Variants in RARB observed in about 807,000 individuals in gnomAD.
The protein encoded by RARB is HBV-activated protein.
A neutral mutation model predicts 51.9 loss-of-function variants in RARB; 17 were observed. The observed-to-expected ratio is 0.33, with a 90% CI of 0.22 to 0.49. The LOEUF (loss-of-function observed/expected upper bound fraction) is 0.49, where lower values mean the gene tolerates loss of function less well. Among genes scored for constraint, RARB ranks in the 20% least tolerant of loss-of-function variants. The pLI, the probability that RARB is intolerant of heterozygous loss-of-function variation, is 0.99. For synonymous variants in RARB, 215 were observed against 195.4 expected (o/e 1.10, Z -0.84); for missense variants, 369 against 550.8 (o/e 0.67, Z 3.30).
At chr3:25,359,640 C>T (rs1705865778) in intron 5 of RARB, among the ~76,000 whole-genome samples, 1 of 152,142 alleles carries the variant, frequency 6.6e-6, no homozygotes, top group Non-Finnish European at 1.5e-5. Flanking sequence ...CTAAACACTA[C>T]TTTAGCTCTG....
intron 5 of RARB, among the ~76,000 whole-genome samples, chr3:25,292,473 G>A (rs75036686): frequency 0.044 from 6,713 of 152,234 alleles, 168 homozygotes; most frequent in Middle Eastern, 0.068. Flanking sequence ...CCTTTGAGGT[G>A]GGAAGAAGAG....
chr3:25,145,212 T>A (rs1327494839), intron 4 of RARB, among the ~76,000 whole-genome samples: 1 of 152,226 alleles, frequency 6.6e-6, no homozygotes, highest in Non-Finnish European at 1.5e-5. Context: ...TTTGTTCCTC[T>A]GTCTTTAATG....
intron 2 of RARB, among the ~76,000 whole-genome samples, chr3:24,945,242 A>C (rs1397962789): frequency 6.6e-6 from 1 of 152,214 alleles, no homozygotes; most frequent in East Asian, 1.9e-4. Flanking sequence ...ATATTTATGT[A>C]AGAATAAGTC....
chr3:25,138,368 C>T (rs528494020), intron 4 of RARB, among the ~76,000 whole-genome samples: 5 of 149,476 alleles, frequency 3.3e-5, no homozygotes, highest in East Asian at 2.0e-4. Flanking sequence ...AAAGGAAAAT[C>T]CTGCCAGGTT....
chr3:25,143,368 T>G (rs776748711), intron 4 of RARB, among the ~76,000 whole-genome samples: 2 of 152,158 alleles, frequency 1.3e-5, no homozygotes, highest in Non-Finnish European at 2.9e-5. Context: ...TTATCTGCTG[T>G]TTTTCCCAAA....
At chr3:25,118,564 A>T (rs1387669187) in intron 3 of RARB, among the ~76,000 whole-genome samples, 1 of 152,176 alleles carries the variant, frequency 6.6e-6, no homozygotes, top group African/African-American at 2.4e-5. Flanking sequence ...ATACTGCTGG[A>T]TCAGTAATGA....
At chr3:25,073,748 A>G (rs1698816884) in intron 3 of RARB, among the ~76,000 whole-genome samples, 1 of 152,222 alleles carries the variant, frequency 6.6e-6, no homozygotes, top group Non-Finnish European at 1.5e-5. Context: ...TATCATGGCT[A>G]CAATAAGGAT....
At chr3:25,386,847 T>C (rs1428794535) in intron 5 of RARB, among the ~76,000 whole-genome samples, 2 of 152,190 alleles carry the variant, frequency 1.3e-5, no homozygotes, top group Non-Finnish European at 2.9e-5. Flanking sequence ...CAAGATGTGC[T>C]AGGTGCTGTG....
chr3:25,417,608 G>C (rs942391764), intron 5 of RARB, among the ~76,000 whole-genome samples: 6 of 152,070 alleles, frequency 3.9e-5, no homozygotes, highest in African/African-American at 1.4e-4. Flanking sequence ...TGATTATGAG[G>C]CCTCCCCAGC....
intron 5 of RARB, among the ~76,000 whole-genome samples, chr3:25,583,659 C>G (rs1422603353): frequency 2.0e-5 from 3 of 152,192 alleles, no homozygotes; most frequent in Non-Finnish European, 2.9e-5. Flanking sequence ...CTGTCCTGCC[C>G]TTGCTCACCT....
chr3:24,931,673 A>G (rs1445057448), intron 2 of RARB, among the ~76,000 whole-genome samples: 1 of 152,110 alleles, frequency 6.6e-6, no homozygotes, highest in Non-Finnish European at 1.5e-5. Context: ...TAGACCTCAC[A>G]ACGTGTCTTT....
intron 2 of RARB, among the ~76,000 whole-genome samples, chr3:25,006,870 C>T (rs1451933331): frequency 1.3e-5 from 2 of 152,026 alleles, no homozygotes; most frequent in Admixed American, 6.6e-5. Context: ...CTTTTTTTAA[C>T]AACAAATTTT....
At chr3:24,867,640 G>T (rs566420187) in intron 2 of RARB, among the ~76,000 whole-genome samples, 1 of 152,262 alleles carries the variant, frequency 6.6e-6, no homozygotes, top group East Asian at 1.9e-4. Context: ...AACTTTGGGT[G>T]CAGGCCCCTT....
chr3:25,506,197 A>G (rs1286643), intron 3 of RARB, among the ~76,000 whole-genome samples: 77,923 of 147,352 alleles, frequency 0.53, 23,352 homozygotes, highest in African/African-American at 0.83. Context: ...AGGTTGCAAT[A>G]AGCCGAGATC....
chr3:25,357,276 C>A (rs1236491918), intron 5 of RARB, among the ~76,000 whole-genome samples: 1 of 152,198 alleles, frequency 6.6e-6, no homozygotes, highest in Admixed American at 6.5e-5. Context: ...TGATAATGAG[C>A]TTTCTTTCAT....
At chr3:25,252,238 CTTGA>C (rs988018076) in intron 5 of RARB, among the ~76,000 whole-genome samples, 2 of 152,092 alleles carry the variant, frequency 1.3e-5, no homozygotes, top group African/African-American at 4.8e-5. Flanking sequence ...AGCCCACTGT[CTTGA>C]TTATTATAGC....
chr3:25,099,272 T>C (rs1186848624), intron 3 of RARB, among the ~76,000 whole-genome samples: 4 of 152,192 alleles, frequency 2.6e-5, no homozygotes, highest in Non-Finnish European at 4.4e-5. Context: ...CAAAGTCCGA[T>C]GTTAACTGTC....
intron 5 of RARB, among the ~76,000 whole-genome samples, chr3:25,329,508 A>G (rs757689866): frequency 7.4e-6 from 1 of 135,902 alleles, no homozygotes; most frequent in Admixed American, 7.2e-5. Context: ...CCACCTATAT[A>G]TCACCATCAT....
chr3:24,902,017 CAT>C (rs1703619124), intron 2 of RARB, among the ~76,000 whole-genome samples: 1 of 151,148 alleles, frequency 6.6e-6, no homozygotes, highest in Non-Finnish European at 1.5e-5. Flanking sequence ...ATATAACATA[CAT>C]ATATAACATA....
Sources: allele counts gnomAD v4.1 joint callset (sites outside exome capture counted in the v4.1 genomes callset), GRCh38; gene constraint gnomAD v4.1.1; transcripts MANE v1.5; gene names NCBI Gene and HGNC (gene_info 2026-07-23, HGNC 2026-07-21).